Variants in TSGA10 observed in about 807,000 individuals in gnomAD.
TSGA10 encodes the protein testis specific 10.
In TSGA10, 43 loss-of-function variants were observed where a neutral mutation model predicts 96.6. The ratio of observed to expected loss-of-function variants is 0.44; its 90% CI spans 0.35 to 0.57. The LOEUF is 0.57. Ranked by LOEUF, TSGA10 falls within the 20% of genes least tolerant of loss-of-function variation. The probability of loss-of-function intolerance (pLI) is 0.01; values close to 1 mark genes in which losing one functional copy is unlikely to be tolerated. For missense variants in TSGA10, 703 were observed against 834.4 expected, an observed-to-expected ratio of 0.84 and a Z score of 1.94; for synonymous variants, 229 against 269.9, an observed-to-expected ratio of 0.85 and a Z score of 1.48.
rs189711429 is a variant in TSGA10, at chr2:99,105,046, C to T, written c.459+313G>A. On this transcript the variant is annotated intron_variant, in intron 9 of 20. Coordinates refer to ENST00000393483, the MANE Select transcript of TSGA10 (RefSeq NM_025244.4). ...TAGGTAGAATAAACCATTTTCTTTA[C>T]ATCTGGCAATATTATCTTTAACAAA... Among the ~76,000 whole-genome samples, 19 of 152,196 alleles carry T rather than the reference C, an allele frequency of 1.2e-4. No individual in the cohort carries two copies. The East Asian group carries it at 3.3e-3, about 26-fold the overall frequency.
chr2:99,105,419 T>A lies in TSGA10; in HGVS notation c.399A>T (p.Ala133=). The A allele has an allele frequency of 6.2e-7, 1 of 1,613,700 alleles. No individual in the cohort carries two copies. The highest frequency in any genetic ancestry group is 1.1e-5 in the South Asian group (1 of 91,072). ...RERLKIAQET[A]FNEKAHLEQR... ...GTTCCAGGTGAGCCTTCTCATTAAA[T>A]GCTGTCTCTTGAGCAATCTGATTAA... The change falls in exon 9 of 21, where the codon GCA becomes GCT. Residue 133 remains alanine (A), a synonymous_variant. Coordinates refer to ENST00000393483, the MANE Select transcript of TSGA10 (RefSeq NM_025244.4).
intron 16 of TSGA10, among the ~76,000 whole-genome samples, chr2:99,045,200 CAG>C (rs1441546762): frequency 6.6e-6 from 1 of 151,842 alleles, no homozygotes; most frequent in Non-Finnish European, 1.5e-5. Flanking sequence ...CTGAAGGAGA[CAG>C]AGACACAAAA....
intron 10 of TSGA10, among the ~76,000 whole-genome samples, chr2:99,101,169 G>A (rs1181121670): frequency 5.6e-5 from 8 of 142,898 alleles, no homozygotes; most frequent in African/African-American, 2.1e-4. Flanking sequence ...GCGTGAACCC[G>A]GGAAGGCGGA....
In TSGA10 at chr2:99,052,329, A is replaced by G. The variant is rs116796495; in HGVS notation, c.1404+12610T>C. Among the ~76,000 whole-genome samples, 268 of 152,250 alleles carry G rather than the reference A, an allele frequency of 1.8e-3. 2 individuals carry two copies. The highest frequency in any genetic ancestry group is 3.4e-3 in the Non-Finnish European group (234 of 68,010). ...CAAAGAATCATAAGTGACTACTGTG[A>G]ACAATTATATGCCAACAAATTGGAT... is the stretch of plus-strand genomic sequence containing the variant. On this transcript the variant is annotated intron_variant, in intron 16 of 20. Coordinates refer to ENST00000393483, the MANE Select transcript of TSGA10 (RefSeq NM_025244.4).
chr2:99,049,373 A>G (rs1235408181), intron 16 of TSGA10, among the ~76,000 whole-genome samples: 2 of 152,236 alleles, frequency 1.3e-5, no homozygotes, highest in African/African-American at 4.8e-5. Context: ...AATGTGGCAC[A>G]TATACGCTAT....
At chr2:99,074,029 T>G (rs964203064) in intron 12 of TSGA10, among the ~76,000 whole-genome samples, 12 of 136,840 alleles carry the variant, frequency 8.8e-5, no homozygotes, top group African/African-American at 3.4e-4. Flanking sequence ...TTTTTTTTTT[T>G]GAGATGGAGT....
At chr2:99,142,362 G>C (rs2093576080) in intron 1 of TSGA10, 1 of 152,198 alleles carries the variant, frequency 6.6e-6, no homozygotes, top group Non-Finnish European at 1.5e-5. Flanking sequence ...TCAAGAGTAA[G>C]CTCTCGTTTG....
chr2:99,104,784 T>C (rs897018118), intron 9 of TSGA10, among the ~76,000 whole-genome samples: 1 of 152,186 alleles, frequency 6.6e-6, no homozygotes, highest in African/African-American at 2.4e-5. Context: ...CCCTATCTCA[T>C]ATTTTTAACT....
intron 16 of TSGA10, among the ~76,000 whole-genome samples, chr2:99,058,075 CCTTA>C (rs896894599): frequency 2.0e-5 from 3 of 151,970 alleles, no homozygotes; most frequent in South Asian, 2.1e-4. Flanking sequence ...GAATTTGGAC[CCTTA>C]CTTCATACCA....
chr2:99,058,477 AAG>A (rs1406066406), intron 16 of TSGA10, among the ~76,000 whole-genome samples: 1 of 152,190 alleles, frequency 6.6e-6, no homozygotes, highest in Admixed American at 6.5e-5. Context: ...AGAAATAATA[AAG>A]AGAAGAAATC....
chr2:99,107,413 G>T (rs1359023214), intron 7 of TSGA10, among the ~76,000 whole-genome samples: 3 of 152,116 alleles, frequency 2.0e-5, no homozygotes, highest in African/African-American at 7.2e-5. Flanking sequence ...GGTTAAAATT[G>T]TAAAATTGTA....
chr2:99,028,515 G>A (rs902855080), intron 17 of TSGA10, among the ~76,000 whole-genome samples: 2 of 152,112 alleles, frequency 1.3e-5, no homozygotes, highest in East Asian at 3.9e-4. Context: ...CAAGTATACA[G>A]TATATTAACT....
At chr2:99,074,944 A>G (rs1165146241) in intron 12 of TSGA10, among the ~76,000 whole-genome samples, 1 of 149,388 alleles carries the variant, frequency 6.7e-6, no homozygotes, top group African/African-American at 2.5e-5. Flanking sequence ...GGTGACAGAG[A>G]CTCCGTCTCA....
At chr2:99,017,569 T>A (rs1221856636) in intron 20 of TSGA10, among the ~76,000 whole-genome samples, 2 of 151,674 alleles carry the variant, frequency 1.3e-5, no homozygotes, top group Non-Finnish European at 2.9e-5. Flanking sequence ...ATCGAGACCA[T>A]CCCGGCTAAA....
At chr2:99,075,910 A>T (rs10193039) in intron 12 of TSGA10, among the ~76,000 whole-genome samples, 57,412 of 152,004 alleles carry the variant, frequency 0.38, 12,029 homozygotes, top group African/African-American at 0.56. Context: ...AAATGTTTTG[A>T]ATATAATGAG....
intron 1 of TSGA10, among the ~76,000 whole-genome samples, chr2:99,148,837 G>C (rs144692366): frequency 2.1e-4 from 32 of 152,048 alleles, no homozygotes; most frequent in Non-Finnish European, 4.3e-4. Flanking sequence ...GTTTCTGTTT[G>C]GGATGATTAA....
At chr2:99,141,136 T>C in intron 1 of TSGA10, 1 of 1,274,044 alleles carries the variant, frequency 7.8e-7, no homozygotes, top group Non-Finnish European at 1.0e-6. Context: ...TGCCCAGAGC[T>C]CATCCCCGCG....
chr2:99,135,515 A>G (rs1457777222), intron 1 of TSGA10, among the ~76,000 whole-genome samples: 1 of 152,210 alleles, frequency 6.6e-6, no homozygotes, highest in Non-Finnish European at 1.5e-5. Context: ...ATTTTTTTCA[A>G]TGTGAAGTCT....
At chr2:99,067,906 G>C (rs1167716316) in intron 15 of TSGA10, among the ~76,000 whole-genome samples, 1 of 151,948 alleles carries the variant, frequency 6.6e-6, no homozygotes, top group Non-Finnish European at 1.5e-5. Context: ...TTCTAGAATA[G>C]ATTCAGATGG....
Sources: allele counts gnomAD v4.1 joint callset (sites outside exome capture counted in the v4.1 genomes callset), GRCh38; gene constraint gnomAD v4.1.1; transcripts MANE v1.5; gene names NCBI Gene and HGNC (gene_info 2026-07-23, HGNC 2026-07-21).